SRRT: variants seen among roughly 807,000 people sequenced by gnomAD.
SRRT encodes serrate RNA effector molecule homolog.
In SRRT, 32 loss-of-function variants were observed where a neutral mutation model predicts 103.2. The ratio of observed to expected loss-of-function variants is 0.31; its 90% CI spans 0.23 to 0.42. SRRT has a LOEUF of 0.42. Among genes scored for constraint, SRRT ranks in the 10% least tolerant of loss-of-function variants. The pLI is 1.00. For missense variants in SRRT, 986 were observed against 1,207.5 expected (o/e 0.82, Z 2.72); for synonymous variants, 525 against 449.0 (o/e 1.17, Z -2.14).
intron 2 of SRRT, among the ~76,000 whole-genome samples, chr7:100,876,114 C>G (rs555704287): frequency 6.6e-6 from 1 of 152,284 alleles, no homozygotes; most frequent in East Asian, 1.9e-4. Context: ...GAAGCTGGGA[C>G]TCCAGGGGGA....
In SRRT at chr7:100,875,257, G is replaced by C. The variant is rs752954310; in HGVS notation, c.-90G>C. On this transcript the variant is annotated 5_prime_UTR_variant, in exon 1 of 20. Transcript: ENST00000611405. Reference sequence around the variant, plus strand: ...TCGCCCTCCTCGAAGTCCTCGTCGCGCGCCCGCGACCCAGGTCGCCCTGAA... The same window carrying C: ...TCGCCCTCCTCGAAGTCCTCGTCGCCCGCCCGCGACCCAGGTCGCCCTGAA... 2.0e-6 allele frequency: 1 copy of C among 500,112 alleles called. No homozygotes were observed. The highest frequency in any genetic ancestry group is 2.9e-6 in the Non-Finnish European group (1 of 346,092). The allele number at this position is 500,112 out of a possible 1,614,324, so 31.0% of individuals were successfully genotyped here.
At position 100,885,154 on chromosome 7, in the gene SRRT, C is replaced by T. The variant is rs931254881; in HGVS notation, c.1160-59C>T. On this transcript the variant is annotated intron_variant, in intron 9 of 19. Transcript: ENST00000611405. The surrounding 1 kb of genome is among the most constrained non-coding windows in gnomAD (Gnocchi z 4.8). Reference sequence around the variant, plus strand: ...TTTTAGGGGAAAGCTTCTGTATCCTCCCCACCACAATCAGTAATAAAAATG... The same window carrying T: ...TTTTAGGGGAAAGCTTCTGTATCCTTCCCACCACAATCAGTAATAAAAATG... The T allele has an allele frequency of 8.7e-6, 14 of 1,603,858 alleles. No individual in the cohort carries two copies. The African/African-American group carries it at 1.1e-4, about 12-fold the overall frequency.
Position 100,882,002 on chromosome 7 carries a change from C to G in SRRT, c.399-51C>G. 6.4e-7 allele frequency: 1 copy of G among 1,573,906 alleles called. No individual in the cohort carries two copies. The highest frequency in any genetic ancestry group is 8.6e-7 in the Non-Finnish European group (1 of 1,162,470). On this transcript the variant is annotated intron_variant, in intron 4 of 19. Transcript: ENST00000611405. This position sits in a 1 kb window ranked among gnomAD's most constrained non-coding sequence, Gnocchi z 4.2. ...GCCCCAGCTACTTTGGCCCCTGTAG[C>G]CTCCCACCGTTCCCCAAAAACCAAG...
chr7:100,887,903 C>T lies in SRRT; in HGVS notation c.2326+44C>T, dbSNP rs13243797. On this transcript the variant is annotated intron_variant, in intron 17 of 19. Transcript: ENST00000611405. The surrounding 1 kb of genome is among the most constrained non-coding windows in gnomAD (Gnocchi z 4.1). ...AGGTCGCATGTGCCCTCTTCCTTGA[C>T]TACCCAGGGACTCCTGTTTCTCTTT... is the stretch of plus-strand genomic sequence containing the variant. The T allele has an allele frequency of 5.7e-6, 9 of 1,577,840 alleles. No individual in the cohort carries two copies. The East Asian group carries it at 2.0e-4, about 36-fold the overall frequency.
At chr7:100,888,440 C>T (rs1445409506) in intron 19 of SRRT, 34 bp from the exon 20 acceptor site, 4 of 1,613,332 alleles carry the variant, frequency 2.5e-6, no homozygotes, top group Admixed American at 3.3e-5. Flanking sequence ...TTTTGGGAGC[C>T]CTCAGCTCTC....
Position 100,881,347 on chromosome 7 carries a change from G to C in SRRT, c.185G>C (p.Arg62Pro), listed in dbSNP as rs1180793197. Residue 62 changes from arginine to proline, a missense_variant, in exon 3 of 20, where the codon CGG (arginine) becomes CCG (proline). This residue lies in a region of SRRT where 274 missense variants were observed against 358.5 expected (regional missense o/e 0.76). Transcript: ENST00000611405. ...RGEYRDYDRN[R>P]RERFSPPRHE... Reference sequence around the variant, plus strand: ...GAATATCGGGACTATGACCGGAATCGGCGAGAGCGCTTCTCGCCACCTCGC... The same window carrying C: ...GAATATCGGGACTATGACCGGAATCCGCGAGAGCGCTTCTCGCCACCTCGC... The C allele has an allele frequency of 6.2e-7, 1 of 1,613,578 alleles. No individual in the cohort carries two copies. The highest frequency in any genetic ancestry group is 1.1e-5 in the South Asian group (1 of 91,080).
At position 100,882,166 on chromosome 7, in the gene SRRT, G is replaced by T; in HGVS notation, c.512G>T (p.Arg171Leu). 6.2e-7 allele frequency: 1 copy of T among 1,614,152 alleles called. No individual in the cohort carries two copies. The highest frequency in any genetic ancestry group is 1.1e-5 in the South Asian group (1 of 91,086). ...GTGGATGAGACGGAGGCCGTCAAGC[G>T]CTATAATGACTACAAGCTGGATTTC... is the stretch of plus-strand genomic sequence containing the variant. ...DSVDETEAVK[R>L]YNDYKLDFRR... is the part of the protein sequence containing the mutation. The change falls in exon 5 of 20, where the codon CGC (arginine) becomes CTC (leucine). Residue 171 changes from arginine (R) to leucine (L), a missense_variant. This residue lies in a region of SRRT where 274 missense variants were observed against 358.5 expected (regional missense o/e 0.76). Coordinates refer to ENST00000611405, the MANE Select transcript of SRRT (RefSeq NM_015908.6). This position sits in a 1 kb window ranked among gnomAD's most constrained non-coding sequence, Gnocchi z 4.2.
In SRRT at chr7:100,887,570, G is replaced by C. The variant is rs1790259973; in HGVS notation, c.2169+57G>C. ...GTGGTGGGAGGTGGGGTTGAGACAG[G>C]AAGCCCCCTGGGCAGGGGTGGGGGA... On this transcript the variant is annotated intron_variant, in intron 16 of 19. Coordinates refer to ENST00000611405, the MANE Select transcript of SRRT (RefSeq NM_015908.6). This position sits in a 1 kb window ranked among gnomAD's most constrained non-coding sequence, Gnocchi z 4.1. The C allele has an allele frequency of 6.9e-6, 11 of 1,593,882 alleles. No homozygotes were observed. Among genetic ancestry groups the C allele is most frequent in the Non-Finnish European group, 9.4e-6 (11 of 1,167,802 alleles).
intron 2 of SRRT, among the ~76,000 whole-genome samples, chr7:100,878,821 C>G (rs1040265136): frequency 1.3e-5 from 2 of 152,116 alleles, no homozygotes; most frequent in African/African-American, 4.8e-5. Context: ...CTCACCTCAG[C>G]CTCCTGATTA....
chr7:100,886,018 C>A, intron 12 of SRRT, 77 bp downstream of exon 12: 2 of 1,519,026 alleles, frequency 1.3e-6, no homozygotes, highest in South Asian at 1.1e-5. Flanking sequence ...TGACTTTGTT[C>A]ATCTGATAGT....
At chr7:100,883,976 G>A in intron 5 of SRRT, 94 bp from the exon 6 acceptor site, 1 of 1,372,310 alleles carries the variant, frequency 7.3e-7, no homozygotes, top group East Asian at 2.4e-5. Context: ...TGAGAGGAAG[G>A]GGGATATGCC....
At chr7:100,883,943 ATT>A in intron 5 of SRRT, 125 bp from the exon 6 acceptor site, 1 of 1,067,256 alleles carries the variant, frequency 9.4e-7, no homozygotes, top group Non-Finnish European at 1.3e-6. Flanking sequence ...TAATCTCTCT[ATT>A]TTGATGACCT....
At chr7:100,884,660 C>A in intron 7 of SRRT, 80 bp from the exon 8 acceptor site, 2 of 1,520,122 alleles carry the variant, frequency 1.3e-6, no homozygotes, top group South Asian at 1.1e-5. Context: ...GAACCTGTGG[C>A]CTCAGCTGTG....
rs753009609 is a variant in SRRT at position 100,888,559 on chromosome 7, C to T, written c.*10C>T. The T allele has an allele frequency of 2.4e-5, 39 of 1,613,992 alleles. No homozygotes were observed. The Middle Eastern group carries it at 1.2e-3, about 48-fold the overall frequency. ...TGTTGATTTCTTTTGAGCCGTCCCC[C>T]GTTCCTCAGTCCTGTATCATCCATA... On this transcript the variant is annotated 3_prime_UTR_variant, in exon 20 of 20. Transcript: ENST00000611405.
intron 2 of SRRT, among the ~76,000 whole-genome samples, chr7:100,876,554 C>G (rs1815730904): frequency 6.6e-6 from 1 of 152,130 alleles, no homozygotes; most frequent in Non-Finnish European, 1.5e-5. Flanking sequence ...GTTGATCTGA[C>G]TGGAGAGGTC....
Position 100,887,893 on chromosome 7 carries a change from TCTTC to T in SRRT, c.2326+38_2326+41del, listed in dbSNP as rs1563026464. ...CGATCCATGAAGGTCGCATGTGCCC[TCTTC>T]CTTGACTACCCAGGGACTCCTGTTT... is the stretch of plus-strand genomic sequence containing the variant. On this transcript the variant is annotated intron_variant, in intron 17 of 19. Coordinates refer to ENST00000611405, the MANE Select transcript of SRRT (RefSeq NM_015908.6). The surrounding 1 kb of genome is among the most constrained non-coding windows in gnomAD (Gnocchi z 4.1). The T allele has an allele frequency of 6.3e-7, 1 of 1,583,076 alleles. No homozygotes were observed. Among genetic ancestry groups the T allele is most frequent in the Non-Finnish European group, 8.6e-7 (1 of 1,159,050 alleles).
intron 2 of SRRT, among the ~76,000 whole-genome samples, chr7:100,880,149 T>TG (rs1305658118): frequency 7.2e-5 from 11 of 152,162 alleles, no homozygotes; most frequent in Non-Finnish European, 1.5e-4. Flanking sequence ...TGATAGGCTT[T>TG]GAGGCAGAGG....
Position 100,885,207 on chromosome 7 carries a change from G to A in SRRT, c.1160-6G>A, listed in dbSNP as rs749535618. 1 of 1,612,954 alleles carries A rather than the reference G, an allele frequency of 6.2e-7. No homozygotes were observed. The highest frequency in any genetic ancestry group is 8.5e-7 in the Non-Finnish European group (1 of 1,179,362). ...CCAACTCCTTCCTACCCCCCTTCCT[G>A]CCTAGAAGAAGCGCTCAAGGAGAAG... On this transcript the variant is annotated splice_region_variant and splice_polypyrimidine_tract_variant and intron_variant, in intron 9 of 19. Transcript: ENST00000611405. The surrounding 1 kb of genome is among the most constrained non-coding windows in gnomAD (Gnocchi z 4.8).
rs756877077 is a variant in SRRT, at chr7:100,884,246, G to C, written c.757+7G>C. On this transcript the variant is annotated splice_region_variant and intron_variant, in intron 6 of 19. Coordinates refer to ENST00000611405, the MANE Select transcript of SRRT (RefSeq NM_015908.6). ...GTCAAGATGCTGGATGCAGGTGTGC[G>C]GATTTGGAGGGGTGGCAGGCATCTG... The C allele has an allele frequency of 4.3e-6, 7 of 1,614,114 alleles. No individual in the cohort carries two copies. The South Asian group carries it at 7.7e-5, about 18-fold the overall frequency.
Sources: gnomAD v4.1 joint callset for allele counts (sites outside exome capture counted in the v4.1 genomes callset) on GRCh38, gnomAD v4.1.1 for gene constraint, gnomAD v4.1.1 regional missense constraint, Gnocchi (gnomAD v3.1) non-coding constraint, MANE v1.5 for transcripts, NCBI Gene and HGNC (gene_info 2026-07-23, HGNC 2026-07-21) for gene names.